EMC10: variants seen among roughly 807,000 people sequenced by gnomAD.
The protein encoded by EMC10 is UPF0510 protein INM02.
A neutral mutation model predicts 32.2 loss-of-function variants in EMC10; 40 were observed. The ratio of observed to expected loss-of-function variants is 1.24; its 90% CI spans 0.96 to 1.61. The LOEUF (loss-of-function observed/expected upper bound fraction) is 1.61, where lower values mean the gene tolerates loss of function less well. Among genes scored for constraint, EMC10 ranks in the 40% most tolerant of loss-of-function variants. The pLI is 0.00. For missense variants in EMC10, 402 were observed against 357.7 expected, an observed-to-expected ratio of 1.12 and a Z score of -1.00; for synonymous variants, 178 against 158.4, an observed-to-expected ratio of 1.12 and a Z score of -0.93.
chr19:50,482,292 A>T lies in EMC10; in HGVS notation c.*33A>T. The T allele has an allele frequency of 1.1e-6, 1 of 885,322 alleles. No homozygotes were observed. The highest frequency in any genetic ancestry group is 1.8e-6 in the Non-Finnish European group (1 of 560,054). 54.8% of individuals were successfully genotyped at this position (885,322 alleles called of 1,614,324 possible). A position where few individuals can be genotyped will look rare whatever the true frequency, so the allele number is the denominator to read the frequency against. On this transcript the variant is annotated 3_prime_UTR_variant, in exon 7 of 7. Coordinates refer to ENST00000334976, the MANE Select transcript of EMC10 (RefSeq NM_206538.4). Reference sequence around the variant, plus strand: ...GGCTGGTCAGCGTCCCGTCTTGCACACCCAGGGGCCTCCCTTTCTGCTGGA... The same window carrying T: ...GGCTGGTCAGCGTCCCGTCTTGCACTCCCAGGGGCCTCCCTTTCTGCTGGA...
At position 50,482,621 on chromosome 19, in the gene EMC10, C is replaced by T. The variant is rs766666167; in HGVS notation, c.*362C>T. The T allele has an allele frequency of 2.0e-6, 1 of 490,528 alleles. No individual in the cohort carries two copies. Among genetic ancestry groups the T allele is most frequent in the African/African-American group, 2.0e-5 (1 of 50,024 alleles). The allele number at this position is 490,528 out of a possible 1,614,324, so 30.4% of individuals were successfully genotyped here. A position where few individuals can be genotyped will look rare whatever the true frequency, so the allele number is the denominator to read the frequency against. On this transcript the variant is annotated 3_prime_UTR_variant, in exon 7 of 7. Transcript: ENST00000334976. ...GTCTGGGAACATGCCGCCTTCTCTC[C>T]AGCCTCTGTGCCTTTGTTCCAGGTG...
Position 50,480,357 on chromosome 19 carries a change from C to A in EMC10, c.402+142C>A. ...TCAGACCTGGCCTTGCCTTCCGAGG[C>A]CTCCTGGTCTGGAGGGGTCGGTCCA... On this transcript the variant is annotated intron_variant, in intron 4 of 6. Transcript: ENST00000334976. This position sits in a 1 kb window ranked among gnomAD's most constrained non-coding sequence, Gnocchi z 4.4. 9.9e-7 allele frequency: 1 copy of A among 1,007,724 alleles called. No individual in the cohort carries two copies. The highest frequency in any genetic ancestry group is 1.5e-6 in the Non-Finnish European group (1 of 682,178). 62.4% of individuals were successfully genotyped at this position (1,007,724 alleles called of 1,614,324 possible). A position where few individuals can be genotyped will look rare whatever the true frequency, so the allele number is the denominator to read the frequency against.
At chr19:50,481,647 C>T (rs1471564642) in intron 6 of EMC10, 1 of 557,990 alleles carries the variant, frequency 1.8e-6, no homozygotes. Flanking sequence ...GCTGGGATGG[C>T]TGAGCCCTGC....
chr19:50,479,596 A>T (rs950250771), intron 3 of EMC10, among the ~76,000 whole-genome samples: 2 of 152,210 alleles, frequency 1.3e-5, no homozygotes, highest in Non-Finnish European at 2.9e-5. Context: ...GAAAGCTTGC[A>T]AAAGCTGGCA....
Position 50,486,137 on chromosome 19 carries a change from A to C in EMC10, c.*3878A>C, listed in dbSNP as rs767373405. 2 of 152,158 alleles carry C rather than the reference A, an allele frequency of 1.3e-5. No individual in the cohort carries two copies. The highest frequency in any genetic ancestry group is 2.9e-5 in the Non-Finnish European group (2 of 68,024). The allele number at this position is 152,158 out of a possible 1,614,324, so 9.4% of individuals were successfully genotyped here. ...CATTTAGTATTTTGTAAAATTCTTT[A>C]CTAACCCCAAATTGTCTACTGGAAA... On this transcript the variant is annotated 3_prime_UTR_variant, in exon 7 of 7. Coordinates refer to ENST00000334976, the MANE Select transcript of EMC10 (RefSeq NM_206538.4).
Position 50,484,578 on chromosome 19 carries a change from A to G in EMC10, c.*2319A>G, listed in dbSNP as rs2040369330. ...TCCCCTAGCGTTCTGTTCTTATTAA[A>G]CTTTTCTTCCCCGTCTGGCCGGTCC... On this transcript the variant is annotated 3_prime_UTR_variant, in exon 7 of 7. Coordinates refer to ENST00000334976, the MANE Select transcript of EMC10 (RefSeq NM_206538.4). 2 of 151,732 alleles carry G rather than the reference A, an allele frequency of 1.3e-5. No homozygotes were observed. The highest frequency in any genetic ancestry group is 2.4e-5 in the African/African-American group (1 of 41,250). 9.4% of individuals were successfully genotyped at this position (151,732 alleles called of 1,614,324 possible).
chr19:50,481,004 A>G lies in EMC10; in HGVS notation c.678+27A>G, dbSNP rs112371353. The G allele has an allele frequency of 2.7e-3, 4,239 of 1,565,018 alleles. 102 individuals are homozygous for G. The African/African-American group carries it at 0.051, about 19-fold the overall frequency. ...TGAGTGGGGCTCCCCCGCCTCCCCTATTCCCTTCCTGACAGTCCCGGTGCC... is the reference window on the plus strand; with the variant it reads ...TGAGTGGGGCTCCCCCGCCTCCCCTGTTCCCTTCCTGACAGTCCCGGTGCC... On this transcript the variant is annotated intron_variant, in intron 6 of 6. Transcript: ENST00000334976.
chr19:50,482,080 C>T, intron 6 of EMC10, 69 bp from the exon 7 acceptor site: 1 of 1,394,798 alleles, frequency 7.2e-7, no homozygotes, highest in Non-Finnish European at 1.0e-6. Context: ...TGGGTGATGC[C>T]CACACTCACC....
chr19:50,486,556 C>T lies in EMC10; in HGVS notation c.*4297C>T, dbSNP rs1164250787. On this transcript the variant is annotated 3_prime_UTR_variant, in exon 7 of 7. Transcript: ENST00000334976. ...TAGGGGCTAATTACTGGTGCCTCTT[C>T]AGCTGTCAGTCCATCCTCCTTTATT... 6.6e-6 allele frequency: 1 copy of T among 152,144 alleles called. No individual in the cohort carries two copies. Among genetic ancestry groups the T allele is most frequent in the Non-Finnish European group, 1.5e-5 (1 of 68,030 alleles). 9.4% of individuals were successfully genotyped at this position (152,144 alleles called of 1,614,324 possible).
chr19:50,478,516 G>A (rs900856902), intron 2 of EMC10, among the ~76,000 whole-genome samples: 5 of 152,174 alleles, frequency 3.3e-5, no homozygotes, highest in Non-Finnish European at 2.9e-5. Flanking sequence ...TGTAGTAATC[G>A]AGTCTGAGGC....
rs56988126 is a variant in EMC10 at position 50,488,295 on chromosome 19, CAAAAAAAAAAAAA to C, written c.*6047_*6059del. 2.0e-5 allele frequency: 1 copy of C among 49,884 alleles called. No homozygotes were observed. The highest frequency in any genetic ancestry group is 3.8e-4 in the Admixed American group (1 of 2,640). The allele number at this position is 49,884 out of a possible 1,614,324, so 3.1% of individuals were successfully genotyped here. On this transcript the variant is annotated 3_prime_UTR_variant, in exon 7 of 7. Transcript: ENST00000334976. ...TGGGCGACAGAGCGAGACTCCGTCT[CAAAAAAAAAAAAA>C]AAAAAAAAAAGAAAAGATGGCCAGA... is the stretch of plus-strand genomic sequence containing the variant.
At position 50,488,665 on chromosome 19, in the gene EMC10, GA is replaced by G. The variant is rs1470512230; in HGVS notation, c.*6408del. 6.6e-6 allele frequency: 1 copy of G among 151,990 alleles called. No homozygotes were observed. Among genetic ancestry groups the G allele is most frequent in the African/African-American group, 2.4e-5 (1 of 41,126 alleles). 9.4% of individuals were successfully genotyped at this position (151,990 alleles called of 1,614,324 possible). A position where few individuals can be genotyped will look rare whatever the true frequency, so the allele number is the denominator to read the frequency against. On this transcript the variant is annotated 3_prime_UTR_variant, in exon 7 of 7. Transcript: ENST00000334976. ...GAGGAAAGAGAAAGGAGAGAGCTAG[GA>G]ACTGGGAAGGAAAAGAGCTAGGAGG...
At chr19:50,479,215 A>G in intron 3 of EMC10, 149 bp downstream of exon 3, 1 of 638,438 alleles carries the variant, frequency 1.6e-6, no homozygotes, top group Non-Finnish European at 2.7e-6. Context: ...TCTGTCCTCA[A>G]TGACTGCCCC....
chr19:50,481,481 TGGG>T, intron 6 of EMC10: 1 of 253,014 alleles, frequency 4.0e-6, no homozygotes, highest in Non-Finnish European at 7.5e-6. Flanking sequence ...AGGCGTGGGG[TGGG>T]GAGGCTGGGG....
rs751735018 is a variant in EMC10 at position 50,480,809 on chromosome 19, C to G, written c.584+47C>G. On this transcript the variant is annotated intron_variant, in intron 5 of 6. Coordinates refer to ENST00000334976, the MANE Select transcript of EMC10 (RefSeq NM_206538.4). This position sits in a 1 kb window ranked among gnomAD's most constrained non-coding sequence, Gnocchi z 4.4. ...GGCGCTCTTGCCACCTGCCCCGGCC[C>G]TTCCTGGCGGCCTCAGGGTCTCCAG... 13 of 1,566,044 alleles carry G rather than the reference C, an allele frequency of 8.3e-6. No individual in the cohort carries two copies. The highest frequency in any genetic ancestry group is 1.7e-4 in the Middle Eastern group (1 of 5,852).
At chr19:50,478,371 C>T (rs188590804) in intron 2 of EMC10, among the ~76,000 whole-genome samples, 10 of 152,232 alleles carry the variant, frequency 6.6e-5, no homozygotes, top group Admixed American at 1.3e-4. Flanking sequence ...GAAGAGGAAA[C>T]GGGCTCAGAG....
At position 50,480,752 on chromosome 19, in the gene EMC10, A is replaced by G; in HGVS notation, c.574A>G (p.Thr192Ala). 6.3e-7 allele frequency: 1 copy of G among 1,594,272 alleles called. No homozygotes were observed. Among genetic ancestry groups the G allele is most frequent in the Non-Finnish European group, 8.5e-7 (1 of 1,170,186 alleles). The stretch of plus-strand genomic sequence containing the variant: ...CTCGGTGCAGCTGCAGCCGCCCACC[A>G]CAGCCCCAGGGTGAGCCTCTGCTGC... Reference protein sequence around the residue: ...NTSVQLQPPTTAPGPETAAFI... With the variant: ...NTSVQLQPPTAAPGPETAAFI... Residue 192 changes from threonine to alanine, a missense_variant, in exon 5 of 7, where the codon ACA becomes GCA. By Grantham distance (58) the Thr-to-Ala change is moderately conservative (BLOSUM62 0). Coordinates refer to ENST00000334976, the MANE Select transcript of EMC10 (RefSeq NM_206538.4). This position sits in a 1 kb window ranked among gnomAD's most constrained non-coding sequence, Gnocchi z 4.4.
chr19:50,480,077 C>A lies in EMC10; in HGVS notation c.298-34C>A. 3 of 1,546,924 alleles carry A rather than the reference C, an allele frequency of 1.9e-6. No homozygotes were observed. The highest frequency in any genetic ancestry group is 2.6e-6 in the Non-Finnish European group (3 of 1,135,728). ...ACAGCCTGTCCAGGGCTGACACCAT[C>A]CTTCTGACCAGCACCCTCTTCTCCC... On this transcript the variant is annotated intron_variant, in intron 3 of 6. Coordinates refer to ENST00000334976, the MANE Select transcript of EMC10 (RefSeq NM_206538.4). The surrounding 1 kb of genome is among the most constrained non-coding windows in gnomAD (Gnocchi z 4.4).
At chr19:50,481,737 A>G in intron 6 of EMC10, 1 of 785,174 alleles carries the variant, frequency 1.3e-6, no homozygotes, top group Non-Finnish European at 2.0e-6. Flanking sequence ...ACTGAGGCCC[A>G]GAGGCTGAGC....
Sources: allele counts gnomAD v4.1 joint callset (sites outside exome capture counted in the v4.1 genomes callset), GRCh38; gene constraint gnomAD v4.1.1; non-coding constraint Gnocchi (gnomAD v3.1); transcripts MANE v1.5; gene names NCBI Gene and HGNC (gene_info 2026-07-23, HGNC 2026-07-21).